The following NEBL variants were observed in gnomAD, a reference collection of about 807,000 sequenced individuals.
NEBL encodes LIM and SH3 protein 2.
Under a neutral mutation model 140.2 loss-of-function variants are expected in NEBL, and 122 were observed. The observed-to-expected ratio is 0.87, with a 90% CI of 0.75 to 1.01. The LOEUF is 1.01. Among genes scored for constraint, NEBL ranks in the 50% least tolerant of loss-of-function variants. NEBL has a pLI of 0.00. For synonymous variants in NEBL, 436 were observed against 398.9 expected (o/e 1.09, Z -1.11); for missense variants, 1,365 against 1,231.3 (o/e 1.11, Z -1.62).
rs71578963 is a variant in NEBL at position 20,812,579 on chromosome 10, T to C, written c.2518+190A>G. The stretch of plus-strand genomic sequence containing the variant: ...CAATAATAGAAAAGACTTGAGATGA[T>C]ACCAGGTGAATGCCAGAAATCCCAT... On this transcript the variant is annotated intron_variant, in intron 24 of 27. Transcript: ENST00000377122. Among the ~76,000 whole-genome samples the C allele has an allele frequency of 3.5e-3, 525 of 150,990 alleles. 17 individuals carry two copies. In the East Asian group the frequency reaches 0.091, roughly 26 times the overall value.
At chr10:21,049,943 T>C (rs1199748560) in intron 2 of NEBL, among the ~76,000 whole-genome samples, 2 of 152,210 alleles carry the variant, frequency 1.3e-5, no homozygotes, top group South Asian at 2.1e-4. Flanking sequence ...ACCTCATTGA[T>C]GAGGAGTAAG....
At chr10:21,017,606 T>C (rs1447949314) in intron 3 of NEBL, among the ~76,000 whole-genome samples, 1 of 152,134 alleles carries the variant, frequency 6.6e-6, no homozygotes, top group African/African-American at 2.4e-5. Flanking sequence ...TCTTTGCATC[T>C]CCAAAGTCAG....
At chr10:21,011,048 G>GT (rs1003703437) in intron 3 of NEBL, among the ~76,000 whole-genome samples, 4 of 151,940 alleles carry the variant, frequency 2.6e-5, no homozygotes, top group South Asian at 2.1e-4. Flanking sequence ...AATAATGGCA[G>GT]TTTTTTTTCA....
intron 27 of NEBL, 62 bp from the exon 28 acceptor site, chr10:20,785,985 T>A: frequency 6.7e-7 from 1 of 1,494,400 alleles, no homozygotes. Flanking sequence ...CAAATTCCAA[T>A]CACAACACAC....
intron 2 of NEBL, among the ~76,000 whole-genome samples, chr10:21,093,130 T>C (rs1836998331): frequency 7.3e-6 from 1 of 137,352 alleles, no homozygotes; most frequent in Admixed American, 7.2e-5. Flanking sequence ...AAGAGTACTT[T>C]TATTCATTTA....
chr10:20,992,358 G>A (rs1837490430), intron 3 of NEBL, among the ~76,000 whole-genome samples: 1 of 152,168 alleles, frequency 6.6e-6, no homozygotes, highest in African/African-American at 2.4e-5. Context: ...TTGCAGTTCA[G>A]ACACAGGCAT....
intron 2 of NEBL, among the ~76,000 whole-genome samples, chr10:21,068,829 T>G (rs1324117559): frequency 6.6e-6 from 1 of 152,220 alleles, no homozygotes; most frequent in Non-Finnish European, 1.5e-5. Context: ...CTTGAAATAT[T>G]TGGAGTATTC....
At chr10:20,801,727 G>A (rs11816800) in intron 26 of NEBL, among the ~76,000 whole-genome samples, 1,733 of 152,042 alleles carry the variant, frequency 0.011, 30 homozygotes, top group African/African-American at 0.037. Context: ...GCAATTGGCC[G>A]CACAGTTGAT....
chr10:21,224,412 T>C (rs906749052), intron 3 of NEBL, among the ~76,000 whole-genome samples: 1 of 152,228 alleles, frequency 6.6e-6, no homozygotes. Flanking sequence ...TTTTGATTAC[T>C]ATAGCACCAT....
chr10:21,120,981 T>A (rs1256086673), intron 2 of NEBL, among the ~76,000 whole-genome samples: 1 of 152,168 alleles, frequency 6.6e-6, no homozygotes, highest in Non-Finnish European at 1.5e-5. Context: ...GGAACTACAT[T>A]TTCAGGCTTT....
At chr10:20,914,641 G>C (rs1052223662) in intron 4 of NEBL, among the ~76,000 whole-genome samples, 2 of 152,030 alleles carry the variant, frequency 1.3e-5, no homozygotes, top group African/African-American at 4.8e-5. Context: ...ATATTTTCCA[G>C]GTTTGTTAAC....
At chr10:21,238,221 A>G (rs1332628722) in intron 3 of NEBL, among the ~76,000 whole-genome samples, 1 of 152,244 alleles carries the variant, frequency 6.6e-6, no homozygotes, top group Admixed American at 6.5e-5. Context: ...AAAGTCAAGG[A>G]AGTATACACA....
intron 2 of NEBL, among the ~76,000 whole-genome samples, chr10:20,896,635 T>C (rs1211202039): frequency 2.6e-5 from 4 of 151,856 alleles, no homozygotes; most frequent in African/African-American, 7.3e-5. Flanking sequence ...TACATCATTA[T>C]ATTCATTTTA....
intron 2 of NEBL, among the ~76,000 whole-genome samples, chr10:21,107,637 G>A (rs1837783616): frequency 6.6e-6 from 1 of 151,958 alleles, no homozygotes; most frequent in Non-Finnish European, 1.5e-5. Flanking sequence ...CTCTTTTTTT[G>A]TTGTGTCTCT....
chr10:21,097,223 G>A (rs1002061635), intron 2 of NEBL, among the ~76,000 whole-genome samples: 2 of 149,212 alleles, frequency 1.3e-5, no homozygotes, highest in Non-Finnish European at 3.0e-5. Flanking sequence ...GAGGTCCGGG[G>A]GGGGGGTGGG....
In NEBL at chr10:20,815,669, G is replaced by A; in HGVS notation, c.2197C>T (p.Pro733Ser). 6.2e-7 allele frequency: 1 copy of A among 1,613,066 alleles called. No individual in the cohort carries two copies. The highest frequency in any genetic ancestry group is 8.5e-7 in the Non-Finnish European group (1 of 1,179,238). ...LGRATTLSVT[P>S]EMERVKKNQE... ...TTCTTCTTCACTCTTTCCATTTCAG[G>A]AGTTACACTTAAAGTGGTAGCTCTT... The change falls in exon 22 of 28, where the codon CCT becomes TCT. Residue 733 changes from proline to serine, a missense_variant. This residue lies in a region of NEBL where 1,323 missense variants were observed against 1,154.8 expected (regional missense o/e 1.15). Coordinates refer to ENST00000377122, the MANE Select transcript of NEBL (RefSeq NM_006393.3).
At chr10:20,970,669 A>C (rs997359132) in intron 3 of NEBL, among the ~76,000 whole-genome samples, 4 of 152,090 alleles carry the variant, frequency 2.6e-5, no homozygotes, top group Admixed American at 6.6e-5. Context: ...AATTAATAGA[A>C]TATAAATAAA....
At chr10:20,823,368 T>TGG in intron 18 of NEBL, 68 bp from the exon 19 acceptor site, 1 of 1,177,512 alleles carries the variant, frequency 8.5e-7, no homozygotes, top group Non-Finnish European at 1.2e-6. Context: ...TGAGAATTCT[T>TGG]CAATTGTAAC....
At chr10:20,860,561 C>CA (rs879306514) in intron 7 of NEBL, among the ~76,000 whole-genome samples, 3,635 of 61,832 alleles carry the variant, frequency 0.059, 534 homozygotes, top group East Asian at 0.13. Context: ...AAGTTCACTA[C>CA]AAAAAGAAAA....
Sources: gnomAD v4.1 joint callset for allele counts (sites outside exome capture counted in the v4.1 genomes callset) on GRCh38, gnomAD v4.1.1 for gene constraint, gnomAD v4.1.1 regional missense constraint, MANE v1.5 for transcripts, NCBI Gene and HGNC (gene_info 2026-07-23, HGNC 2026-07-21) for gene names.